RSPH14: variants seen among roughly 807,000 people sequenced by gnomAD.
The protein encoded by RSPH14 is rhabdoid tumor deletion region gene 1.
A neutral mutation model predicts 26.7 loss-of-function variants in RSPH14; 20 were observed. The observed-to-expected ratio is 0.75, with a 90% CI of 0.53 to 1.09. RSPH14 has a LOEUF of 1.09. Ranked by LOEUF, RSPH14 falls within the 50% of genes least tolerant of loss-of-function variation. RSPH14 has a pLI of 0.00. For missense variants in RSPH14, 449 were observed against 457.2 expected, an observed-to-expected ratio of 0.98 and a Z score of 0.16; for synonymous variants, 177 against 189.3, an observed-to-expected ratio of 0.93 and a Z score of 0.53.
chr22:23,164,311 TG>T, the RSPH14 span: 1 of 152,276 alleles, frequency 6.6e-6, no homozygotes, highest in Non-Finnish European at 1.5e-5. Context: ...CCCCCACCTC[TG>T]TAAATGGTCC....
chr22:23,168,029 T>TG, the RSPH14 span, among the ~76,000 whole-genome samples: 3 of 152,148 alleles, frequency 2.0e-5, no homozygotes, highest in Non-Finnish European at 4.4e-5. Flanking sequence ...AATTTTTTTT[T>TG]TAATTTCACA....
chr22:23,095,446 T>G (rs2069097239), intron 4 of RSPH14: 5 of 518,870 alleles, frequency 9.6e-6, no homozygotes, highest in Middle Eastern at 1.0e-3. Context: ...ATCAGGCCAC[T>G]TTGCCAACTA....
chr22:23,114,778 C>T (rs1308560759), intron 4 of RSPH14, among the ~76,000 whole-genome samples: 3 of 152,222 alleles, frequency 2.0e-5, no homozygotes, highest in African/African-American at 4.8e-5. Context: ...ATTGGCCACT[C>T]CGCAGCTGCC....
At chr22:23,074,833 T>C (rs2068471796) in intron 4 of RSPH14, among the ~76,000 whole-genome samples, 4 of 152,086 alleles carry the variant, frequency 2.6e-5, no homozygotes, top group African/African-American at 4.8e-5. Context: ...GACTGAGCAA[T>C]GCAGGCACAG....
At chr22:23,088,541 G>A (rs933552481) in intron 4 of RSPH14, among the ~76,000 whole-genome samples, 3 of 152,238 alleles carry the variant, frequency 2.0e-5, no homozygotes, top group African/African-American at 4.8e-5. Context: ...TCATAGCCCC[G>A]CTTGGGGCAT....
At chr22:23,072,351 A>G (rs2068401229) in intron 4 of RSPH14, among the ~76,000 whole-genome samples, 1 of 152,138 alleles carries the variant, frequency 6.6e-6, no homozygotes, top group African/African-American at 2.4e-5. Context: ...ATGCGCCTTG[A>G]GCAAGCCTCA....
At chr22:23,175,237 A>T in the RSPH14 span, among the ~76,000 whole-genome samples, 1 of 152,112 alleles carries the variant, frequency 6.6e-6, no homozygotes, top group Admixed American at 6.5e-5. Flanking sequence ...TGACCTCATG[A>T]TCTGCCCGCC....
At chr22:23,097,189 G>A (rs1317127540) in intron 4 of RSPH14, among the ~76,000 whole-genome samples, 1 of 152,196 alleles carries the variant, frequency 6.6e-6, no homozygotes, top group Non-Finnish European at 1.5e-5. Flanking sequence ...GGGAGTGGGG[G>A]CAAACAAGGA....
intron 4 of RSPH14, among the ~76,000 whole-genome samples, chr22:23,130,055 AAG>A (rs1318574516): frequency 6.9e-6 from 1 of 144,242 alleles, no homozygotes; most frequent in Non-Finnish European, 1.5e-5. Flanking sequence ...AAGAAAGAGA[AAG>A]AAAAAGAAAG....
At chr22:23,074,879 T>C (rs1156931934) in intron 4 of RSPH14, among the ~76,000 whole-genome samples, 2 of 151,648 alleles carry the variant, frequency 1.3e-5, no homozygotes, top group Non-Finnish European at 1.5e-5. Context: ...CATTTGAAAA[T>C]TATTAAGGGC....
intron 6 of RSPH14, among the ~76,000 whole-genome samples, chr22:23,061,040 C>T (rs933232347): frequency 2.6e-5 from 4 of 152,140 alleles, no homozygotes; most frequent in African/African-American, 9.7e-5. Context: ...CTGTGGACTC[C>T]AAGAAAGCCC....
the RSPH14 span, chr22:23,163,764 C>T: frequency 6.6e-6 from 1 of 152,226 alleles, no homozygotes; most frequent in Non-Finnish European, 1.5e-5. Context: ...GCCTGCACAG[C>T]TAGTGTTGAT....
the RSPH14 span, among the ~76,000 whole-genome samples, chr22:23,167,452 C>A: frequency 6.6e-6 from 1 of 152,186 alleles, no homozygotes; most frequent in African/African-American, 2.4e-5. Flanking sequence ...GGGTGCCTGC[C>A]TGCCTCCCCC....
At chr22:23,118,716 G>A (rs184277933) in intron 4 of RSPH14, among the ~76,000 whole-genome samples, 26 of 152,330 alleles carry the variant, frequency 1.7e-4, no homozygotes, top group Non-Finnish European at 3.8e-4. Context: ...GATGGAGGAA[G>A]TCACTGCAGG....
chr22:23,124,485 A>T (rs1424517164), intron 4 of RSPH14: 1 of 401,070 alleles, frequency 2.5e-6, no homozygotes, highest in South Asian at 1.8e-5. Context: ...CCTCTTGTTA[A>T]TGGTGGGGTT....
At chr22:23,138,754 G>C in intron 3 of RSPH14, 86 bp downstream of exon 3, 10 of 1,092,200 alleles carry the variant, frequency 9.2e-6, no homozygotes, top group Non-Finnish European at 1.2e-5. Context: ...CAACACTCCA[G>C]AGCACTCTAA....
At chr22:23,152,571 G>C in the RSPH14 span, 1 of 1,581,380 alleles carries the variant, frequency 6.3e-7, no homozygotes, top group Non-Finnish European at 8.7e-7. Flanking sequence ...CCCAGCACCA[G>C]GTTGTCATAC....
At chr22:23,087,565 G>A (rs2146291552) in intron 4 of RSPH14, among the ~76,000 whole-genome samples, 1 of 152,342 alleles carries the variant, frequency 6.6e-6, no homozygotes, top group Middle Eastern at 3.4e-3. Flanking sequence ...AATTCATGAA[G>A]AGCTGGCTGT....
At chr22:23,180,098 C>T in the RSPH14 span, 1 of 292,228 alleles carries the variant, frequency 3.4e-6, no homozygotes, top group East Asian at 7.7e-5. Flanking sequence ...GCGAGTTCTG[C>T]CAGAGAGAGC....
Sources: gnomAD v4.1 joint callset for allele counts (sites outside exome capture counted in the v4.1 genomes callset) on GRCh38, gnomAD v4.1.1 for gene constraint, MANE v1.5 for transcripts, NCBI Gene and HGNC (gene_info 2026-07-23, HGNC 2026-07-21) for gene names.